The following SUMF1 variants were observed in gnomAD, a reference collection of about 807,000 sequenced individuals.
SUMF1 encodes formylglycine-generating enzyme.
In SUMF1, 48 loss-of-function variants were observed where a neutral mutation model predicts 47.6. That is an observed-to-expected ratio of 1.01 (90% CI 0.80 to 1.28). SUMF1 has a LOEUF of 1.28. SUMF1 is among the 50% of genes most tolerant of loss of function. The probability of loss-of-function intolerance (pLI) is 0.00; values close to 1 mark genes in which losing one functional copy is unlikely to be tolerated. For missense variants in SUMF1, 571 were observed against 485.4 expected (o/e 1.18, Z -1.66); for synonymous variants, 230 against 192.1 (o/e 1.20, Z -1.63).
intron 8 of SUMF1, among the ~76,000 whole-genome samples, chr3:4,298,368 T>C (rs1228591899): frequency 6.6e-6 from 1 of 152,230 alleles, no homozygotes; most frequent in Non-Finnish European, 1.5e-5. Context: ...CCTCTCATTA[T>C]TTTAATCTCA....
chr3:4,443,696 T>G (rs1356197378), intron 3 of SUMF1, among the ~76,000 whole-genome samples: 3 of 151,554 alleles, frequency 2.0e-5, no homozygotes, highest in Admixed American at 6.6e-5. Flanking sequence ...GCCCAGGAAG[T>G]CAAGGCTGCA....
chr3:4,334,957 A>G (rs1699116290), intron 8 of SUMF1, among the ~76,000 whole-genome samples: 1 of 152,232 alleles, frequency 6.6e-6, no homozygotes, highest in Admixed American at 6.5e-5. Flanking sequence ...AATCTTTAAC[A>G]GCACAGAGAG....
At chr3:4,099,008 G>T (rs1692969721) in intron 8 of SUMF1, among the ~76,000 whole-genome samples, 1 of 152,086 alleles carries the variant, frequency 6.6e-6, no homozygotes, top group African/African-American at 2.4e-5. Context: ...CGACAGTAAA[G>T]AAGACTCTGG....
intron 8 of SUMF1, among the ~76,000 whole-genome samples, chr3:4,147,876 A>G (rs1002482092): frequency 1.3e-5 from 2 of 152,100 alleles, no homozygotes; most frequent in Non-Finnish European, 2.9e-5. Context: ...TCAGCTAGCC[A>G]TTAGGCCTTC....
chr3:4,365,995 T>C (rs1250458980), intron 8 of SUMF1, among the ~76,000 whole-genome samples: 1 of 152,030 alleles, frequency 6.6e-6, no homozygotes, highest in East Asian at 1.9e-4. Context: ...TGGCTGGATA[T>C]GAAATTCTGG....
At chr3:4,150,234 C>T (rs1388681553) in intron 8 of SUMF1, among the ~76,000 whole-genome samples, 1 of 147,352 alleles carries the variant, frequency 6.8e-6, no homozygotes, top group East Asian at 2.0e-4. Flanking sequence ...GCTGGGACTG[C>T]AGGGGTGTGC....
intron 1 of SUMF1, among the ~76,000 whole-genome samples, chr3:4,464,431 T>TGTGTGTGTGTGA: frequency 6.6e-6 from 1 of 151,132 alleles, no homozygotes; most frequent in African/African-American, 2.4e-5. Context: ...TGTGTGTGTG[T>TGTGTGTGTGTGA]GAGAGAGAGA....
intron 3 of SUMF1, among the ~76,000 whole-genome samples, chr3:4,434,725 A>C (rs1702341916): frequency 6.6e-6 from 1 of 152,222 alleles, no homozygotes; most frequent in Non-Finnish European, 1.5e-5. Flanking sequence ...GGCATGAAAA[A>C]AATGAATGAA....
chr3:4,123,021 T>C (rs1010112993), intron 8 of SUMF1, among the ~76,000 whole-genome samples: 5 of 152,266 alleles, frequency 3.3e-5, no homozygotes, highest in African/African-American at 4.8e-5. Context: ...TTCTATACTT[T>C]AGGTAAGACA....
chr3:4,261,680 G>A (rs750578440), intron 8 of SUMF1, among the ~76,000 whole-genome samples: 4 of 152,202 alleles, frequency 2.6e-5, no homozygotes, highest in Non-Finnish European at 5.9e-5. Flanking sequence ...GCCAGAGTCA[G>A]GAGCGTGAAG....
intron 8 of SUMF1, among the ~76,000 whole-genome samples, chr3:4,271,514 GATAGATAC>G (rs769779987): frequency 8.9e-5 from 13 of 146,416 alleles, no homozygotes; most frequent in African/African-American, 2.3e-4. Flanking sequence ...TAGATAGATA[GATAGATAC>G]AGAGAGGATC....
chr3:4,350,002 C>CT (rs766765804), intron 8 of SUMF1, among the ~76,000 whole-genome samples: 318 of 139,072 alleles, frequency 2.3e-3, no homozygotes, highest in Admixed American at 2.4e-3. Flanking sequence ...GTATTATTTT[C>CT]TTTTTTTTTT....
intron 1 of SUMF1, 88 bp from the exon 2 acceptor site, chr3:4,453,137 CG>C: frequency 7.3e-7 from 1 of 1,363,620 alleles, no homozygotes; most frequent in South Asian, 1.2e-5. Context: ...CCAGGAAGCA[CG>C]CAAGTTTGTA....
chr3:4,285,082 T>C (rs893204939), intron 8 of SUMF1, among the ~76,000 whole-genome samples: 4 of 152,188 alleles, frequency 2.6e-5, no homozygotes, highest in Non-Finnish European at 5.9e-5. Context: ...ATGAGTGCTG[T>C]TCTCCTGTCT....
At chr3:4,035,482 AC>A (rs896027808) in intron 9 of SUMF1, among the ~76,000 whole-genome samples, 64 of 152,338 alleles carry the variant, frequency 4.2e-4, no homozygotes, top group African/African-American at 1.4e-3. Flanking sequence ...TAAGATCCCA[AC>A]CAGATCATTC....
chr3:4,227,223 C>A (rs750379619), intron 8 of SUMF1, among the ~76,000 whole-genome samples: 5 of 152,110 alleles, frequency 3.3e-5, no homozygotes, highest in African/African-American at 4.8e-5. Flanking sequence ...ATTTCCTTGA[C>A]CATTCAAGTC....
At chr3:4,289,200 C>G (rs560036930) in intron 8 of SUMF1, among the ~76,000 whole-genome samples, 1 of 152,344 alleles carries the variant, frequency 6.6e-6, no homozygotes, top group South Asian at 2.1e-4. Context: ...GAAACTCAGA[C>G]TGGAGGTGAA....
At chr3:4,322,098 G>A (rs1698849060) in intron 8 of SUMF1, among the ~76,000 whole-genome samples, 1 of 151,994 alleles carries the variant, frequency 6.6e-6, no homozygotes, top group African/African-American at 2.4e-5. Context: ...TCAAGGTCTT[G>A]GAAAACAAGA....
intron 8 of SUMF1, among the ~76,000 whole-genome samples, chr3:4,234,048 G>A (rs924079518): frequency 2.6e-5 from 4 of 151,928 alleles, no homozygotes; most frequent in African/African-American, 7.2e-5. Context: ...TTCTAAAGGC[G>A]CCTAAACTGG....
Sources: gnomAD v4.1 joint callset for allele counts (sites outside exome capture counted in the v4.1 genomes callset) on GRCh38, gnomAD v4.1.1 for gene constraint, MANE v1.5 for transcripts, NCBI Gene and HGNC (gene_info 2026-07-23, HGNC 2026-07-21) for gene names.